PIP4K2A: variants seen among roughly 807,000 people sequenced by gnomAD.
PIP4K2A encodes the protein phosphatidylinositol-5-phosphate 4-kinase type 2 alpha.
In PIP4K2A, 14 loss-of-function variants were observed where a neutral mutation model predicts 42.9. That is an observed-to-expected ratio of 0.33 (90% CI 0.22 to 0.51). PIP4K2A has a LOEUF of 0.51. Among genes scored for constraint, PIP4K2A ranks in the 20% least tolerant of loss-of-function variants. PIP4K2A has a pLI of 0.97. For synonymous variants in PIP4K2A, 192 were observed against 192.2 expected, an observed-to-expected ratio of 1.00 and a Z score of 0.01; for missense variants, 434 against 519.8, an observed-to-expected ratio of 0.83 and a Z score of 1.61.
Position 22,672,850 on chromosome 10 carries a change from G to A in PIP4K2A, c.144+41333C>T, listed in dbSNP as rs114709476. 6.1e-3 allele frequency among the ~76,000 whole-genome samples: 927 copies of A among 152,272 alleles called. 8 individuals carry two copies. The highest frequency in any genetic ancestry group is 0.021 in the African/African-American group (883 of 41,532). On this transcript the variant is annotated intron_variant, in intron 1 of 9. Coordinates refer to ENST00000376573, the MANE Select transcript of PIP4K2A (RefSeq NM_005028.5). ...TACCCAGCCCTCAACGTCCTAAAAAGGTGAGCAGCAGGTTAACATGTCATT... is the reference window on the plus strand; with the variant it reads ...TACCCAGCCCTCAACGTCCTAAAAAAGTGAGCAGCAGGTTAACATGTCATT...
At chr10:22,596,304 G>A (rs1247721323) in intron 3 of PIP4K2A, among the ~76,000 whole-genome samples, 1 of 151,362 alleles carries the variant, frequency 6.6e-6, no homozygotes, top group Admixed American at 6.6e-5. Context: ...CAGGACAACC[G>A]TCCCAAGAAA....
chr10:22,537,228 CA>C lies in PIP4K2A; in HGVS notation c.1193del (p.Leu398TrpfsTer8). The C allele has an allele frequency of 6.2e-7, 1 of 1,606,664 alleles. No individual in the cohort carries two copies. Among genetic ancestry groups the C allele is most frequent in the Non-Finnish European group, 8.5e-7 (1 of 1,175,742 alleles). On this transcript the variant is annotated frameshift_variant, in exon 10 of 10. Transcript: ENST00000376573. LOFTEE classifies it high-confidence loss of function. ...VNPEQYSKRF[L>X]DFIGHILT ...ACGTCAAGATGTGGCCAATAAAGTC[CA>C]AAAAGCGCTTTGAATACTGTTCTGG...
At chr10:22,667,079 A>G (rs1160114523) in intron 1 of PIP4K2A, among the ~76,000 whole-genome samples, 1 of 152,240 alleles carries the variant, frequency 6.6e-6, no homozygotes, top group Non-Finnish European at 1.5e-5. Context: ...TGTAAAAATA[A>G]TAATGTGTTG....
chr10:22,548,912 G>A (rs1201163576), intron 7 of PIP4K2A, among the ~76,000 whole-genome samples: 4 of 152,028 alleles, frequency 2.6e-5, no homozygotes, highest in Non-Finnish European at 5.9e-5. Context: ...AAATTAGCCA[G>A]GCACCGTGGT....
intron 6 of PIP4K2A, among the ~76,000 whole-genome samples, chr10:22,563,488 T>A (rs2130781963): frequency 6.6e-6 from 1 of 152,244 alleles, no homozygotes; most frequent in South Asian, 2.1e-4. Flanking sequence ...AGAAAAAAAA[T>A]CAAGTTTTAG....
At chr10:22,630,887 C>A (rs1425808287) in intron 1 of PIP4K2A, among the ~76,000 whole-genome samples, 1 of 152,168 alleles carries the variant, frequency 6.6e-6, no homozygotes, top group Non-Finnish European at 1.5e-5. Context: ...CCCAATTAAG[C>A]CAGCAGACTC....
chr10:22,579,029 T>C (rs1014464732), intron 4 of PIP4K2A, among the ~76,000 whole-genome samples: 4 of 152,088 alleles, frequency 2.6e-5, no homozygotes, highest in African/African-American at 9.7e-5. Flanking sequence ...CCCAGATTTT[T>C]CTCACGATGG....
rs61553619 is a variant in PIP4K2A at position 22,654,112 on chromosome 10, C to A, written c.145-44395G>T. Among the ~76,000 whole-genome samples the A allele has an allele frequency of 4.5e-3, 688 of 152,280 alleles. 5 individuals carry two copies. The highest frequency in any genetic ancestry group is 0.015 in the African/African-American group (638 of 41,524). The stretch of plus-strand genomic sequence containing the variant: ...CCTGCAGTGAGGGGTTCTGGAATGG[C>A]AATGACTTTGCTGGCCGCAGATGCC... On this transcript the variant is annotated intron_variant, in intron 1 of 9. Transcript: ENST00000376573.
At chr10:22,570,947 C>T (rs72816804) in intron 5 of PIP4K2A, among the ~76,000 whole-genome samples, 30 of 152,070 alleles carry the variant, frequency 2.0e-4, no homozygotes, top group Non-Finnish European at 4.3e-4. Context: ...GAGCTGTGTA[C>T]GAGTTGCTGA....
Position 22,540,001 on chromosome 10 carries a change from AGCTTTCTTTTTTGC to A in PIP4K2A, c.1096_1109del (p.Ala366CysfsTer8). ...GTTTAACAGTTTTTGCAGCATGGGC[AGCTTTCTTTTTTGC>A]ATCATAATGAGTAAGGATGTCAATA... On this transcript the variant is annotated frameshift_variant, in exon 9 of 10. Coordinates refer to ENST00000376573, the MANE Select transcript of PIP4K2A (RefSeq NM_005028.5). LOFTEE classifies it high-confidence loss of function. 6.2e-7 allele frequency: 1 copy of A among 1,611,242 alleles called. No individual in the cohort carries two copies. The highest frequency in any genetic ancestry group is 8.5e-7 in the Non-Finnish European group (1 of 1,177,406).
At chr10:22,614,343 T>C (rs114323760) in intron 1 of PIP4K2A, among the ~76,000 whole-genome samples, 163 of 152,340 alleles carry the variant, frequency 1.1e-3, no homozygotes, top group African/African-American at 3.1e-3. Context: ...ATTTTGCAGA[T>C]TGTAATATGT....
At chr10:22,571,891 G>A (rs891090496) in intron 5 of PIP4K2A, among the ~76,000 whole-genome samples, 14 of 152,234 alleles carry the variant, frequency 9.2e-5, no homozygotes, top group Admixed American at 3.3e-4. Flanking sequence ...AAGACATTAC[G>A]GAGATTTGCA....
chr10:22,582,503 G>A (rs1352413403), intron 4 of PIP4K2A, among the ~76,000 whole-genome samples: 1 of 152,156 alleles, frequency 6.6e-6, no homozygotes, highest in Admixed American at 6.5e-5. Context: ...AGGAATTGCT[G>A]TTATTATCAT....
At chr10:22,544,068 C>G (rs1836197646) in intron 7 of PIP4K2A, among the ~76,000 whole-genome samples, 1 of 152,142 alleles carries the variant, frequency 6.6e-6, no homozygotes, top group Non-Finnish European at 1.5e-5. Flanking sequence ...GCTTTCCCCT[C>G]TCCTTTTCTT....
intron 1 of PIP4K2A, among the ~76,000 whole-genome samples, chr10:22,710,287 G>C (rs542062766): frequency 1.3e-5 from 2 of 152,132 alleles, no homozygotes; most frequent in Non-Finnish European, 2.9e-5. Context: ...TCTATTACTC[G>C]GACAGAGACC....
At chr10:22,632,201 A>G (rs1014041913) in intron 1 of PIP4K2A, among the ~76,000 whole-genome samples, 1 of 152,188 alleles carries the variant, frequency 6.6e-6, no homozygotes, top group African/African-American at 2.4e-5. Context: ...GAAAGAAAAC[A>G]AAAGTGGAAT....
At chr10:22,658,853 C>A (rs1464197547) in intron 1 of PIP4K2A, among the ~76,000 whole-genome samples, 2 of 152,184 alleles carry the variant, frequency 1.3e-5, no homozygotes, top group South Asian at 4.1e-4. Flanking sequence ...AGAAAAGTTA[C>A]GTAACTCACC....
intron 8 of PIP4K2A, among the ~76,000 whole-genome samples, chr10:22,540,932 A>G (rs1050566677): frequency 3.3e-5 from 5 of 152,240 alleles, no homozygotes; most frequent in Admixed American, 1.3e-4. Context: ...TCTGTGTTGA[A>G]GAAAACATTT....
chr10:22,690,407 T>C (rs568005620), intron 1 of PIP4K2A, among the ~76,000 whole-genome samples: 11 of 152,310 alleles, frequency 7.2e-5, no homozygotes, highest in African/African-American at 2.6e-4. Flanking sequence ...ATCATTAGGG[T>C]TCCCCCTACT....
Sources: gnomAD v4.1 joint callset for allele counts (sites outside exome capture counted in the v4.1 genomes callset) on GRCh38, gnomAD v4.1.1 for gene constraint, MANE v1.5 for transcripts, NCBI Gene and HGNC (gene_info 2026-07-23, HGNC 2026-07-21) for gene names.